The following CCM2 variants were observed in gnomAD, a reference collection of about 807,000 sequenced individuals.
CCM2 encodes the protein CCM2 scaffold protein.
A neutral mutation model predicts 44.9 loss-of-function variants in CCM2; 25 were observed. That is an observed-to-expected ratio of 0.56 (90% confidence interval 0.41 to 0.78). The LOEUF is 0.78. CCM2 is among the 30% of genes least tolerant of loss of function. CCM2 has a pLI of 0.00. For synonymous variants in CCM2, 219 were observed against 241.1 expected (o/e 0.91, Z 0.85); for missense variants, 481 against 580.6 (o/e 0.83, Z 1.76).
At chr7:45,073,402 CGT>C in intron 7 of CCM2, 56 bp from the exon 8 acceptor site, 1 of 1,164,896 alleles carries the variant, frequency 8.6e-7, no homozygotes, top group Non-Finnish European at 1.3e-6. Context: ...TTTCCTGAAA[CGT>C]GTGTGGGATG....
chr7:45,017,491 G>A (rs540065686), intron 1 of CCM2, among the ~76,000 whole-genome samples: 2 of 152,336 alleles, frequency 1.3e-5, no homozygotes, highest in East Asian at 3.8e-4. Flanking sequence ...TGCTTATCCA[G>A]GACAGTGCTT....
intron 2 of CCM2, among the ~76,000 whole-genome samples, 200 bp downstream of exon 2, chr7:45,038,626 T>G (rs1453992195): frequency 6.6e-6 from 1 of 152,242 alleles, no homozygotes; most frequent in East Asian, 1.9e-4. Context: ...TGACCCCAGT[T>G]TATTTTTTTC....
chr7:45,074,112 G>A, intron 8 of CCM2, 158 bp from the exon 9 acceptor site: 1 of 1,478,024 alleles, frequency 6.8e-7, no homozygotes, highest in Non-Finnish European at 9.0e-7. Flanking sequence ...TGGTAGGATG[G>A]GGACACATTG....
chr7:45,016,295 G>A (rs547426012), intron 1 of CCM2, among the ~76,000 whole-genome samples: 1 of 152,328 alleles, frequency 6.6e-6, no homozygotes, highest in Admixed American at 6.5e-5. Flanking sequence ...AGGGGGTCCT[G>A]ATGCATGTGT....
chr7:45,023,244 ATGTTC>A (rs1796551234), intron 1 of CCM2, among the ~76,000 whole-genome samples: 1 of 151,982 alleles, frequency 6.6e-6, no homozygotes, highest in Admixed American at 6.5e-5. Context: ...CTTTTTTTAA[ATGTTC>A]TAATAAAACT....
chr7:45,003,708 A>G (rs1795735458), intron 1 of CCM2, among the ~76,000 whole-genome samples: 2 of 145,094 alleles, frequency 1.4e-5, no homozygotes, highest in Non-Finnish European at 3.0e-5. Context: ...AGCCTGGGCA[A>G]CAGGGCAAGA....
chr7:45,069,555 G>T (rs567393074), intron 5 of CCM2, among the ~76,000 whole-genome samples: 1 of 152,356 alleles, frequency 6.6e-6, no homozygotes, highest in Admixed American at 6.5e-5. Context: ...ACGTTGGACT[G>T]GCAGCTAACA....
intron 1 of CCM2, among the ~76,000 whole-genome samples, chr7:45,005,943 C>T (rs545811621): frequency 5.1e-4 from 78 of 152,282 alleles, no homozygotes; most frequent in African/African-American, 1.8e-3. Flanking sequence ...GCACTTGAAG[C>T]CACTGGAGGT....
At chr7:45,046,804 G>C (rs1232524924) in intron 2 of CCM2, among the ~76,000 whole-genome samples, 2 of 152,288 alleles carry the variant, frequency 1.3e-5, no homozygotes, top group East Asian at 1.9e-4. Context: ...CAGACTGAGA[G>C]GAGATATTTT....
At chr7:45,046,837 G>A (rs1299856612) in intron 2 of CCM2, among the ~76,000 whole-genome samples, 2 of 152,124 alleles carry the variant, frequency 1.3e-5, no homozygotes, top group Non-Finnish European at 2.9e-5. Flanking sequence ...CTGACAGAGG[G>A]TTGGTATCTA....
At chr7:45,028,727 C>A (rs1796812182) in intron 1 of CCM2, among the ~76,000 whole-genome samples, 1 of 151,748 alleles carries the variant, frequency 6.6e-6, no homozygotes, top group South Asian at 2.1e-4. Flanking sequence ...TCATACTTAT[C>A]ATTTAGACCT....
chr7:45,039,847 A>C (rs907974610), intron 2 of CCM2, among the ~76,000 whole-genome samples: 1 of 151,542 alleles, frequency 6.6e-6, no homozygotes, highest in African/African-American at 2.4e-5. Flanking sequence ...GCCAACATGG[A>C]GAAACCCCGT....
chr7:45,025,047 A>G (rs893646456), intron 1 of CCM2, among the ~76,000 whole-genome samples: 2 of 152,086 alleles, frequency 1.3e-5, no homozygotes, highest in African/African-American at 4.8e-5. Context: ...TAAACTTTTT[A>G]CCTTTTCACT....
chr7:45,075,704 T>TA (rs1272952356), intron 9 of CCM2, 73 bp from the exon 10 acceptor site: 3 of 1,597,192 alleles, frequency 1.9e-6, no homozygotes, highest in Non-Finnish European at 2.6e-6. Context: ...TCAGGGGGCT[T>TA]TGAGCCCTGA....
intron 1 of CCM2, among the ~76,000 whole-genome samples, chr7:45,003,888 A>G (rs1279986376): frequency 1.3e-5 from 2 of 152,224 alleles, no homozygotes; most frequent in African/African-American, 2.4e-5. Context: ...TTAAGGTAGA[A>G]AAAGGTTATA....
At chr7:45,036,821 AGTTTCTGT>A (rs999672611) in intron 1 of CCM2, among the ~76,000 whole-genome samples, 4 of 151,582 alleles carry the variant, frequency 2.6e-5, no homozygotes, top group Admixed American at 2.6e-4. Context: ...ATGTTTTGTT[AGTTTCTGT>A]GTTTGGTGAT....
chr7:45,028,734 A>G (rs561042007), intron 1 of CCM2, among the ~76,000 whole-genome samples: 100 of 151,454 alleles, frequency 6.6e-4, no homozygotes, highest in African/African-American at 2.2e-3. Flanking sequence ...TATCATTTAG[A>G]CCTCTCCAGC....
In CCM2 at chr7:45,004,524, GGAACT is replaced by G. The variant is rs553886440; in HGVS notation, c.30+4165_30+4169del. ...GTCACTGCTGGACCAGTGTCTGTGAGGAACTGAAAGCTTGGATTGGACCAGTACCT... is the reference window on the plus strand; with the variant it reads ...GTCACTGCTGGACCAGTGTCTGTGAGGAAAGCTTGGATTGGACCAGTACCT... On this transcript the variant is annotated intron_variant, in intron 1 of 9. Coordinates refer to ENST00000258781, the MANE Select transcript of CCM2 (RefSeq NM_031443.4). Among the ~76,000 whole-genome samples the G allele has an allele frequency of 9.9e-3, 1,505 of 152,284 alleles. 11 individuals carry two copies. Among genetic ancestry groups the G allele is most frequent in the Middle Eastern group, 0.017 (5 of 294 alleles).
chr7:45,031,973 C>T (rs568525249), intron 1 of CCM2, among the ~76,000 whole-genome samples: 1 of 152,266 alleles, frequency 6.6e-6, no homozygotes, highest in Admixed American at 6.5e-5. Flanking sequence ...TCTTCCCCAG[C>T]ACCGGCTGTC....
Sources: allele counts gnomAD v4.1 joint callset (sites outside exome capture counted in the v4.1 genomes callset), GRCh38; gene constraint gnomAD v4.1.1; transcripts MANE v1.5; gene names NCBI Gene and HGNC (gene_info 2026-07-23, HGNC 2026-07-21).